Variants in NLRP4 observed in about 807,000 individuals in gnomAD.
The protein encoded by NLRP4 is NLR family pyrin domain containing 4, also known as NACHT, LRR and PYD domains-containing protein 4.
Under a neutral mutation model 84.7 loss-of-function variants are expected in NLRP4, and 44 were observed. That is an observed-to-expected ratio of 0.52 (90% CI 0.41 to 0.67). The LOEUF is 0.67. Among genes scored for constraint, NLRP4 ranks in the 30% least tolerant of loss-of-function variants. The probability of loss-of-function intolerance (pLI) is 0.00; values close to 1 mark genes in which losing one functional copy is unlikely to be tolerated. For synonymous variants in NLRP4, 544 were observed against 476.4 expected, an observed-to-expected ratio of 1.14 and a Z score of -1.85; for missense variants, 1,260 against 1,219.4, an observed-to-expected ratio of 1.03 and a Z score of -0.50.
intron 1 of NLRP4, among the ~76,000 whole-genome samples, chr19:55,841,630 A>G (rs1983617057): frequency 6.6e-6 from 1 of 152,198 alleles, no homozygotes; most frequent in South Asian, 2.1e-4. Context: ...TGGGAGGCCG[A>G]GGCAGGCAGA....
intron 5 of NLRP4, among the ~76,000 whole-genome samples, chr19:55,867,315 A>G (rs1442000328): frequency 6.8e-6 from 1 of 146,162 alleles, no homozygotes; most frequent in Admixed American, 6.8e-5. Flanking sequence ...TGTGCATGTA[A>G]CTGAGACTGT....
At chr19:55,872,354 G>A (rs1459565826) in intron 7 of NLRP4, among the ~76,000 whole-genome samples, 1 of 152,100 alleles carries the variant, frequency 6.6e-6, no homozygotes, top group Non-Finnish European at 1.5e-5. Flanking sequence ...GATTTTTTAA[G>A]GTCAGTAAAT....
Position 55,870,854 on chromosome 19 carries a change from G to A in NLRP4, c.2382G>A (p.Gln794=), listed in dbSNP as rs111496449. The A allele has an allele frequency of 6.7e-4, 1,078 of 1,614,100 alleles. 4 individuals carry two copies. The African/African-American group carries it at 0.012, about 19-fold the overall frequency. The change falls in exon 7 of 10, where the codon CAG becomes CAA. Residue 794 remains glutamine, a synonymous_variant. Coordinates refer to ENST00000301295, the MANE Select transcript of NLRP4 (RefSeq NM_134444.5). ...TGGCTTTCTGCCACCTCAGCGAGCA[G>A]TGCTGCGAATACATCTCTGAAATGC... ...LMLAFCHLSE[Q]CCEYISEMLL...
rs757068302 is a variant in NLRP4 at position 55,881,631 on chromosome 19, G to A, written c.*44G>A. 6.7e-6 allele frequency: 6 copies of A among 902,222 alleles called. No individual in the cohort carries two copies. Among genetic ancestry groups the A allele is most frequent in the African/African-American group, 6.6e-5 (4 of 60,522 alleles). The allele number at this position is 902,222 out of a possible 1,614,324, so 55.9% of individuals were successfully genotyped here. On this transcript the variant is annotated 3_prime_UTR_variant, in exon 10 of 10. Transcript: ENST00000301295. ...CTGACTCGAACACCTGCAAAGGACA[G>A]GGACTGGGACCGTTACTTACATGAC...
chr19:55,872,586 AATAGTAGATTAGAC>A (rs1231510119), intron 7 of NLRP4, among the ~76,000 whole-genome samples: 2 of 152,214 alleles, frequency 1.3e-5, no homozygotes, highest in African/African-American at 4.8e-5. Flanking sequence ...ATATGGGGTG[AATAGTAGATTAGAC>A]ATAATTAAAG....
At chr19:55,852,412 A>C in intron 2 of NLRP4, 52 bp downstream of exon 2, 2 of 1,249,082 alleles carry the variant, frequency 1.6e-6, no homozygotes, top group Non-Finnish European at 2.3e-6. Flanking sequence ...ACTATGTCCT[A>C]ATTTTGGTGA....
intron 9 of NLRP4, among the ~76,000 whole-genome samples, chr19:55,879,805 A>AT (rs1362451785): frequency 6.7e-6 from 1 of 149,646 alleles, no homozygotes; most frequent in East Asian, 1.9e-4. Flanking sequence ...TGCCTAAATA[A>AT]TTTTTTACCT....
At chr19:55,843,408 G>T (rs928579707) in intron 1 of NLRP4, among the ~76,000 whole-genome samples, 2 of 151,918 alleles carry the variant, frequency 1.3e-5, no homozygotes, top group African/African-American at 4.8e-5. Context: ...AAACATCCAG[G>T]CCAGGCACAG....
Position 55,852,214 on chromosome 19 carries a change from C to T in NLRP4, c.134C>T (p.Thr45Ile), listed in dbSNP as rs756125085. The T allele has an allele frequency of 1.2e-6, 2 of 1,609,014 alleles. No homozygotes were observed. Among genetic ancestry groups the T allele is most frequent in the South Asian group, 2.2e-5 (2 of 89,566 alleles). Residue 45 changes from threonine to isoleucine, a missense_variant, in exon 2 of 10, where the codon ACT (threonine) becomes ATT (isoleucine). Physicochemically the swap from Thr to Ile is moderately conservative, Grantham distance 89. Coordinates refer to ENST00000301295, the MANE Select transcript of NLRP4 (RefSeq NM_134444.5). ...LQLELKQIPW[T>I]EVKKASREEL... The stretch of plus-strand genomic sequence containing the variant: ...CTTGAACTCAAGCAGATTCCCTGGA[C>T]TGAGGTCAAAAAAGCATCCCGGGAA...
At position 55,858,774 on chromosome 19, in the gene NLRP4, G is replaced by T. The variant is rs140287532; in HGVS notation, c.1381G>T (p.Ala461Ser). The change falls in exon 3 of 10, where the codon GCC becomes TCC. Residue 461 changes from alanine (A) to serine (S), a missense_variant. By Grantham distance (99) the Ala-to-Ser change is moderately conservative. This residue lies in a region of NLRP4 where 712 missense variants were observed against 669.2 expected (regional missense o/e 1.06). Transcript: ENST00000301295. The surrounding 1 kb of genome is among the most constrained non-coding windows in gnomAD (Gnocchi z 4.2). The part of the protein sequence containing the change: ...LHVCIQEFCA[A>S]LFYLLKSHLD... ...CGTGTGTATCCAGGAGTTCTGTGCC[G>T]CCTTGTTCTATTTGCTCAAGAGCCA... 2.1e-5 allele frequency: 34 copies of T among 1,614,140 alleles called. No homozygotes were observed. In the African/African-American group the frequency reaches 4.4e-4, roughly 21 times the overall value.
intron 8 of NLRP4, 63 bp downstream of exon 8, chr19:55,877,229 A>G: frequency 6.8e-7 from 1 of 1,462,696 alleles, no homozygotes; most frequent in Non-Finnish European, 9.5e-7. Flanking sequence ...ATGGATGGGA[A>G]GAAAGAGAAA....
At chr19:55,840,693 C>T (rs369599915) in intron 1 of NLRP4, among the ~76,000 whole-genome samples, 4 of 152,194 alleles carry the variant, frequency 2.6e-5, no homozygotes, top group East Asian at 1.9e-4. Flanking sequence ...CCACAGCACC[C>T]GGCTGATCAT....
At chr19:55,850,469 C>A (rs374469223) in intron 1 of NLRP4, among the ~76,000 whole-genome samples, 104 of 54,740 alleles carry the variant, frequency 1.9e-3, no homozygotes, top group African/African-American at 6.7e-3. Flanking sequence ...GGTGTAATTT[C>A]CGAGGCTGCG....
In NLRP4 at chr19:55,861,397, G is replaced by C. The variant is rs370480485; in HGVS notation, c.1868G>C (p.Ser623Thr). Residue 623 changes from serine to threonine, a missense_variant, in exon 4 of 10, where the codon AGC becomes ACC. Transcript: ENST00000301295. ...TTTCTTGACCACAGGTCGGATTACAGCCTCATCTGTTGGCATCACATCTGC... is the reference window on the plus strand; with the variant it reads ...TTTCTTGACCACAGGTCGGATTACACCCTCATCTGTTGGCATCACATCTGC... ...EDEHSSTSDY[S>T]LICWHHICSV... 7 of 1,613,608 alleles carry C rather than the reference G, an allele frequency of 4.3e-6. No homozygotes were observed. Among genetic ancestry groups the C allele is most frequent in the Admixed American group, 1.7e-5 (1 of 59,906 alleles).
chr19:55,840,988 G>T (rs1030743335), intron 1 of NLRP4, among the ~76,000 whole-genome samples: 2 of 152,110 alleles, frequency 1.3e-5, no homozygotes, highest in South Asian at 2.1e-4. Context: ...ATGCTATTTT[G>T]TTCAGATTTC....
chr19:55,859,559 C>T (rs894225784), intron 3 of NLRP4, among the ~76,000 whole-genome samples: 9 of 152,054 alleles, frequency 5.9e-5, no homozygotes, highest in East Asian at 1.9e-4. Flanking sequence ...GTACTATAAT[C>T]GATATTTTTC....
intron 1 of NLRP4, among the ~76,000 whole-genome samples, chr19:55,843,761 G>T (rs746140108): frequency 6.6e-6 from 1 of 151,870 alleles, no homozygotes; most frequent in Non-Finnish European, 1.5e-5. Context: ...AGTAATTGCG[G>T]TTTTTGCATT....
intron 1 of NLRP4, among the ~76,000 whole-genome samples, chr19:55,840,338 ATGTGTATGTGTGTGTGTGTG>A (rs1488982777): frequency 7.3e-6 from 1 of 136,928 alleles, no homozygotes; most frequent in Non-Finnish European, 1.6e-5. Flanking sequence ...ACATATGTGT[ATGTGTATGTGTGTGTGTGTG>A]TGTGTGTGTG....
In NLRP4 at chr19:55,847,264, A is replaced by C. The variant is rs578015133; in HGVS notation, c.-65-4752A>C. On this transcript the variant is annotated intron_variant, in intron 1 of 9. Coordinates refer to ENST00000301295, the MANE Select transcript of NLRP4 (RefSeq NM_134444.5). The stretch of plus-strand genomic sequence containing the variant: ...TTATTGACTTTGCTATTGATCTCTA[A>C]TTTCATTGCCCTTAAGACAAAGAAG... Among the ~76,000 whole-genome samples, 7 of 152,212 alleles carry C rather than the reference A, an allele frequency of 4.6e-5. No individual in the cohort carries two copies. The East Asian group carries it at 1.4e-3, about 29-fold the overall frequency.
Sources: allele counts gnomAD v4.1 joint callset (sites outside exome capture counted in the v4.1 genomes callset), GRCh38; gene constraint gnomAD v4.1.1; regional missense constraint gnomAD v4.1.1; non-coding constraint Gnocchi (gnomAD v3.1); transcripts MANE v1.5; gene names NCBI Gene and HGNC (gene_info 2026-07-23, HGNC 2026-07-21).